Variants in KLK7 observed in about 807,000 individuals in gnomAD.
KLK7 encodes the protein kallikrein related peptidase 7, also known as kallikrein-7.
KLK7 carries 17 observed loss-of-function variants against 21.0 expected under a neutral mutation model. The ratio of observed to expected loss-of-function variants is 0.81; its 90% CI spans 0.55 to 1.21. The LOEUF is 1.21. Ranked by LOEUF, KLK7 falls within the 50% of genes most tolerant of loss-of-function variation. KLK7 has a pLI of 0.00. For synonymous variants in KLK7, 151 were observed against 134.6 expected, an observed-to-expected ratio of 1.12 and a Z score of -0.85; for missense variants, 330 against 322.8, an observed-to-expected ratio of 1.02 and a Z score of -0.17.
intron 1 of KLK7, among the ~76,000 whole-genome samples, chr19:50,983,069 A>C (rs1600113533): frequency 3.6e-5 from 2 of 55,366 alleles, no homozygotes. Context: ...TCCAGGCCCC[A>C]GCCCCTCCTC....
chr19:50,979,995 G>C, intron 4 of KLK7, 71 bp from the exon 5 acceptor site: 1 of 1,527,662 alleles, frequency 6.5e-7, no homozygotes, highest in Non-Finnish European at 8.8e-7. Context: ...CTGTTGTTCA[G>C]GCTCCTGGTT....
chr19:50,978,663 G>A (rs1450430645), intron 5 of KLK7, among the ~76,000 whole-genome samples: 7 of 144,812 alleles, frequency 4.8e-5, no homozygotes, highest in Non-Finnish European at 1.1e-4. Context: ...GGTGGGGAGA[G>A]GAGAGAGAGA....
At chr19:50,977,801 A>G in intron 5 of KLK7, 110 bp from the exon 6 acceptor site, 2 of 1,095,956 alleles carry the variant, frequency 1.8e-6, no homozygotes, top group Non-Finnish European at 2.7e-6. Flanking sequence ...GACTTCCACC[A>G]TAGCCAATGA....
At chr19:50,979,265 G>A (rs962675688) in intron 5 of KLK7, among the ~76,000 whole-genome samples, 6 of 152,254 alleles carry the variant, frequency 3.9e-5, no homozygotes, top group African/African-American at 1.4e-4. Context: ...GAAATCAAAT[G>A]TAATACATAA....
At chr19:50,978,718 A>T (rs2091054604) in intron 5 of KLK7, among the ~76,000 whole-genome samples, 1 of 140,912 alleles carries the variant, frequency 7.1e-6, no homozygotes, top group Non-Finnish European at 1.5e-5. Context: ...AAAGACAGAG[A>T]TGGGGGAGCG....
chr19:50,981,165 A>G (rs1167235786), intron 3 of KLK7, among the ~76,000 whole-genome samples: 1 of 139,280 alleles, frequency 7.2e-6, no homozygotes, highest in Non-Finnish European at 1.5e-5. Context: ...AGAGAGGGTG[A>G]CAGAGACCCA....
chr19:50,981,753 TG>T lies in KLK7; in HGVS notation c.221+13del, dbSNP rs774620568. 2.4e-5 allele frequency: 37 copies of T among 1,557,198 alleles called. No homozygotes were observed. In the South Asian group the frequency reaches 4.3e-4, roughly 18 times the overall value. On this transcript the variant is annotated intron_variant, in intron 3 of 5. Transcript: ENST00000595820. The stretch of plus-strand genomic sequence containing the variant: ...CGCTGGTGCACCTCCAGCAGAGACT[TG>T]GGCGGCACCTACTTCATCTTGCAGT...
intron 5 of KLK7, 63 bp from the exon 6 acceptor site, chr19:50,977,754 C>T (rs1393935862): frequency 6.6e-7 from 1 of 1,525,192 alleles, no homozygotes; most frequent in Non-Finnish European, 9.0e-7. Flanking sequence ...CATTCTCATA[C>T]ATTCCTCAGT....
At chr19:50,981,988 C>T in intron 2 of KLK7, 74 bp from the exon 3 acceptor site, 1 of 1,463,296 alleles carries the variant, frequency 6.8e-7, no homozygotes, top group Non-Finnish European at 9.4e-7. Context: ...CAGGGATTCC[C>T]AGAGTCAGAG....
chr19:50,982,249 G>A, intron 2 of KLK7, 78 bp downstream of exon 2: 1 of 1,537,800 alleles, frequency 6.5e-7, no homozygotes, highest in East Asian at 2.3e-5. Flanking sequence ...AGGAGGGAAG[G>A]GTTCTGACTC....
At chr19:50,983,560 C>A (rs935320456) in intron 1 of KLK7, among the ~76,000 whole-genome samples, 1 of 151,362 alleles carries the variant, frequency 6.6e-6, no homozygotes, top group Non-Finnish European at 1.5e-5. Context: ...TCCCTCAGAC[C>A]CAGGAGTCCA....
At chr19:50,979,664 G>A in intron 5 of KLK7, 124 bp downstream of exon 5, 2 of 911,352 alleles carry the variant, frequency 2.2e-6, no homozygotes, top group East Asian at 2.7e-5. Context: ...AAAAGCTGAG[G>A]AGGCCAGGCC....
At chr19:50,982,287 G>C in intron 2 of KLK7, 40 bp downstream of exon 2, 1 of 1,592,824 alleles carries the variant, frequency 6.3e-7, no homozygotes. Context: ...GGTCAGTGGG[G>C]GCCCTGAGGT....
chr19:50,979,474 T>A (rs1318764455), intron 5 of KLK7, among the ~76,000 whole-genome samples: 2 of 152,246 alleles, frequency 1.3e-5, no homozygotes, highest in African/African-American at 2.4e-5. Flanking sequence ...TTATGATTTA[T>A]CTCAATCACT....
rs1290188728 is a variant in KLK7, at chr19:50,979,933, A to T, written c.470-9T>A. ...GTCAGAGGGAAAGGTCACTGCAGGGAGGAGCAGGGAGAGCTGTCAGTCAGA... is the reference window on the plus strand; with the variant it reads ...GTCAGAGGGAAAGGTCACTGCAGGGTGGAGCAGGGAGAGCTGTCAGTCAGA... On this transcript the variant is annotated splice_polypyrimidine_tract_variant and intron_variant, in intron 4 of 5. Transcript: ENST00000595820. 3.1e-6 allele frequency: 5 copies of T among 1,591,624 alleles called. No homozygotes were observed. The highest frequency in any genetic ancestry group is 4.3e-6 in the Non-Finnish European group (5 of 1,168,836).
chr19:50,981,941 G>A (rs780814441), intron 2 of KLK7, 27 bp from the exon 3 acceptor site: 1 of 1,609,900 alleles, frequency 6.2e-7, no homozygotes, highest in South Asian at 1.1e-5. Flanking sequence ...AGGAGCACGT[G>A]GGTAGCTAGC....
chr19:50,983,572 A>G (rs1452708387), intron 1 of KLK7, among the ~76,000 whole-genome samples: 1 of 111,658 alleles, frequency 9.0e-6, no homozygotes, highest in East Asian at 3.1e-4. Context: ...AGGAGTCCAG[A>G]ACCCCAGCCC....
chr19:50,980,607 G>T, intron 3 of KLK7, 120 bp from the exon 4 acceptor site: 1 of 1,161,840 alleles, frequency 8.6e-7, no homozygotes, highest in Non-Finnish European at 1.2e-6. Context: ...GAGACACAGA[G>T]AGAGGAGGGG....
At position 50,981,756 on chromosome 19, in the gene KLK7, G is replaced by A. The variant is rs1281353328; in HGVS notation, c.221+11C>T. 1.3e-6 allele frequency: 2 copies of A among 1,559,580 alleles called. No homozygotes were observed. The highest frequency in any genetic ancestry group is 2.3e-5 in the East Asian group (1 of 42,692). On this transcript the variant is annotated intron_variant, in intron 3 of 5. Transcript: ENST00000595820. ...TGGTGCACCTCCAGCAGAGACTTGG[G>A]CGGCACCTACTTCATCTTGCAGTGG...
Sources: gnomAD v4.1 joint callset for allele counts (sites outside exome capture counted in the v4.1 genomes callset) on GRCh38, gnomAD v4.1.1 for gene constraint, MANE v1.5 for transcripts, NCBI Gene and HGNC (gene_info 2026-07-23, HGNC 2026-07-21) for gene names.